TNFSF4: variants seen among roughly 807,000 people sequenced by gnomAD.
TNFSF4 encodes the protein TNF superfamily member 4, also known as tumor necrosis factor ligand superfamily member 4.
TNFSF4 carries 4 observed loss-of-function variants against 7.3 expected under a neutral mutation model. The ratio of observed to expected loss-of-function variants is 0.55; its 90% confidence interval spans 0.27 to 1.25. TNFSF4 has a LOEUF of 1.25. TNFSF4 is among the 50% of genes most tolerant of loss of function. TNFSF4 has a pLI of 0.12. For missense variants in TNFSF4, 181 were observed against 208.8 expected, an observed-to-expected ratio of 0.87 and a Z score of 0.82; for synonymous variants, 76 against 83.7, an observed-to-expected ratio of 0.91 and a Z score of 0.50.
the TNFSF4 span, among the ~76,000 whole-genome samples, chr1:173,403,841 G>C: frequency 2.6e-5 from 4 of 151,662 alleles, no homozygotes; most frequent in East Asian, 7.7e-4. Context: ...GGCAGAGGTT[G>C]CAATGAGCTG....
At chr1:173,269,739 C>T in the TNFSF4 span, among the ~76,000 whole-genome samples, 1 of 152,068 alleles carries the variant, frequency 6.6e-6, no homozygotes, top group Admixed American at 6.6e-5. Context: ...TTTATTTGTG[C>T]AATTTTTCAT....
the TNFSF4 span, among the ~76,000 whole-genome samples, chr1:173,298,717 T>C: frequency 1.3e-5 from 2 of 151,942 alleles, no homozygotes; most frequent in East Asian, 3.9e-4. Flanking sequence ...ATTTTGTTTG[T>C]TACTGTGCAC....
At chr1:173,282,986 G>A in the TNFSF4 span, among the ~76,000 whole-genome samples, 28 of 152,314 alleles carry the variant, frequency 1.8e-4, no homozygotes, top group African/African-American at 6.3e-4. Flanking sequence ...TCAACTGGGA[G>A]CAAATGTGAA....
chr1:173,425,447 C>T, the TNFSF4 span, among the ~76,000 whole-genome samples: 1 of 152,110 alleles, frequency 6.6e-6, no homozygotes, highest in Non-Finnish European at 1.5e-5. Context: ...GATTGAAAAG[C>T]TCCTGTGGAA....
Position 173,185,357 on chromosome 1 carries a change from C to T in TNFSF4, c.*1159G>A, listed in dbSNP as rs1649177126. The T allele has an allele frequency of 6.6e-6, 1 of 152,180 alleles. No homozygotes were observed. Among genetic ancestry groups the T allele is most frequent in the Non-Finnish European group, 1.5e-5 (1 of 68,022 alleles). 9.4% of individuals were successfully genotyped at this position (152,180 alleles called of 1,614,324 possible). The stretch of plus-strand genomic sequence containing the variant: ...CATTTCAACTAAACATAAGGGGATA[C>T]TATTCCATTGAAGCCCTGGCATAGG... On this transcript the variant is annotated 3_prime_UTR_variant, in exon 3 of 3. Transcript: ENST00000281834.
the TNFSF4 span, among the ~76,000 whole-genome samples, chr1:173,279,183 C>T: frequency 3.9e-5 from 6 of 152,012 alleles, no homozygotes; most frequent in African/African-American, 1.4e-4. Flanking sequence ...ACTAAGAGCA[C>T]CCCTACATTT....
chr1:173,233,271 T>C, the TNFSF4 span, among the ~76,000 whole-genome samples: 2 of 151,696 alleles, frequency 1.3e-5, no homozygotes, highest in Non-Finnish European at 2.9e-5. Flanking sequence ...AGAAGAGAAG[T>C]TTAGAGAAAA....
At chr1:173,443,212 A>C in the TNFSF4 span, among the ~76,000 whole-genome samples, 2 of 152,232 alleles carry the variant, frequency 1.3e-5, no homozygotes, top group African/African-American at 4.8e-5. Flanking sequence ...AGAAACTTTT[A>C]AATGCCATCT....
the TNFSF4 span, among the ~76,000 whole-genome samples, chr1:173,423,872 A>G: frequency 6.6e-6 from 1 of 152,194 alleles, no homozygotes; most frequent in Admixed American, 6.5e-5. Context: ...TTTATTTCTC[A>G]CAGTTCTGGA....
At chr1:173,437,745 C>T in the TNFSF4 span, among the ~76,000 whole-genome samples, 2 of 152,144 alleles carry the variant, frequency 1.3e-5, no homozygotes, top group African/African-American at 2.4e-5. Flanking sequence ...TCTGTTCCAT[C>T]TATATACAGT....
chr1:173,296,146 G>A, the TNFSF4 span, among the ~76,000 whole-genome samples: 4 of 151,928 alleles, frequency 2.6e-5, no homozygotes, highest in African/African-American at 7.2e-5. Flanking sequence ...CATCCTAGAG[G>A]GCTCCTCAGA....
At chr1:173,238,794 A>G in the TNFSF4 span, among the ~76,000 whole-genome samples, 1 of 152,178 alleles carries the variant, frequency 6.6e-6, no homozygotes, top group Non-Finnish European at 1.5e-5. Context: ...ACACTTATAC[A>G]CTGCTGGTGG....
the TNFSF4 span, among the ~76,000 whole-genome samples, chr1:173,260,675 CAG>C: frequency 2.6e-5 from 4 of 151,858 alleles, no homozygotes; most frequent in South Asian, 2.1e-4. Flanking sequence ...AGCAAAAAAA[CAG>C]GGGTCACAAT....
the TNFSF4 span, among the ~76,000 whole-genome samples, chr1:173,398,839 C>A: frequency 6.6e-6 from 1 of 152,262 alleles, no homozygotes; most frequent in East Asian, 1.9e-4. Context: ...AAAAGAGGCA[C>A]GATGCCTACT....
chr1:173,391,348 GCTCT>G, the TNFSF4 span, among the ~76,000 whole-genome samples: 3 of 109,490 alleles, frequency 2.7e-5, no homozygotes, highest in Non-Finnish European at 5.4e-5. Context: ...CACTAGATTA[GCTCT>G]CTCTGATTAT....
the TNFSF4 span, among the ~76,000 whole-genome samples, chr1:173,422,876 A>G: frequency 6.6e-6 from 1 of 152,204 alleles, no homozygotes. Flanking sequence ...GGTGGACACC[A>G]CCAGATGAGA....
chr1:173,281,809 TACTC>T, the TNFSF4 span, among the ~76,000 whole-genome samples: 1 of 152,198 alleles, frequency 6.6e-6, no homozygotes, highest in African/African-American at 2.4e-5. Context: ...TCTCATTTAA[TACTC>T]ACAACCAATC....
the TNFSF4 span, among the ~76,000 whole-genome samples, chr1:173,272,159 G>T: frequency 2.0e-5 from 3 of 152,070 alleles, no homozygotes; most frequent in African/African-American, 7.2e-5. Context: ...AGAACACTTG[G>T]ACACAGGGTG....
chr1:173,328,674 A>G, the TNFSF4 span, among the ~76,000 whole-genome samples: 1 of 152,028 alleles, frequency 6.6e-6, no homozygotes, highest in Non-Finnish European at 1.5e-5. Context: ...CCAGAACTTA[A>G]AGTAAAATTT....
Sources: allele counts gnomAD v4.1 joint callset (sites outside exome capture counted in the v4.1 genomes callset), GRCh38; gene constraint gnomAD v4.1.1; transcripts MANE v1.5; gene names NCBI Gene and HGNC (gene_info 2026-07-23, HGNC 2026-07-21).